UGT1A3: variants seen among roughly 807,000 people sequenced by gnomAD.
UGT1A3 encodes UDP glucuronosyltransferase family 1 member A3.
Under a neutral mutation model 41.0 loss-of-function variants are expected in UGT1A3, and 31 were observed. The ratio of observed to expected loss-of-function variants is 0.76; its 90% confidence interval spans 0.57 to 1.02. The LOEUF (loss-of-function observed/expected upper bound fraction) is 1.02. UGT1A3 is among the 50% of genes least tolerant of loss of function. The pLI, the probability that UGT1A3 is intolerant of heterozygous loss-of-function variation, is 0.00. For missense variants in UGT1A3, 737 were observed against 671.0 expected, an observed-to-expected ratio of 1.10 and a Z score of -1.09; for synonymous variants, 262 against 257.6, an observed-to-expected ratio of 1.02 and a Z score of -0.17.
chr2:233,729,943 A>G lies in UGT1A3; in HGVS notation c.817A>G (p.Met273Val), dbSNP rs2077957237. ...MDYPRPIMPN[M>V]VFIGGINCAN... ...CTACCCCAGGCCAATCATGCCCAAC[A>G]TGGTCTTCATTGGGGGCATCAACTG... Residue 273 changes from methionine to valine, a missense_variant, in exon 1 of 5, where the codon ATG becomes GTG. By Grantham distance (21) the Met-to-Val change is conservative. Coordinates refer to ENST00000482026, the MANE Select transcript of UGT1A3 (RefSeq NM_019093.4). The G allele has an allele frequency of 1.2e-6, 2 of 1,613,936 alleles. No homozygotes were observed. The highest frequency in any genetic ancestry group is 1.7e-5 in the Admixed American group (1 of 60,000).
intron 1 of UGT1A3, chr2:233,742,068 T>A (rs185159129): frequency 2.0e-5 from 3 of 151,914 alleles, no homozygotes; most frequent in African/African-American, 7.3e-5. Context: ...TGTGGCCTTA[T>A]GGAGATCCTT....
intron 1 of UGT1A3, among the ~76,000 whole-genome samples, chr2:233,765,845 C>T (rs1255338105): frequency 6.6e-6 from 1 of 152,028 alleles, no homozygotes; most frequent in East Asian, 1.9e-4. Context: ...TCCTTGTCCC[C>T]CTCACAGAGC....
At chr2:233,767,827 C>G in intron 2 of UGT1A3, 22 bp from the exon 3 acceptor site, 2 of 1,614,176 alleles carry the variant, frequency 1.2e-6, no homozygotes, top group Non-Finnish European at 1.7e-6. Flanking sequence ...TCTTTACGTT[C>G]TGCTCTTTTT....
intron 1 of UGT1A3, among the ~76,000 whole-genome samples, chr2:233,764,630 G>T (rs2126011376): frequency 6.6e-6 from 1 of 152,148 alleles, no homozygotes; most frequent in Middle Eastern, 3.4e-3. Context: ...GAAGAGCAAA[G>T]GTCCTAGGAA....
At chr2:233,748,122 C>T (rs1693872650) in intron 1 of UGT1A3, 8 of 1,610,986 alleles carry the variant, frequency 5.0e-6, no homozygotes, top group Non-Finnish European at 8.5e-7. Context: ...CCAGGCAAAA[C>T]AGTTTTTAAA....
At position 233,772,374 on chromosome 2, in the gene UGT1A3, C is replaced by T. The variant is rs773725816; in HGVS notation, c.1420C>T (p.His474Tyr). Reference protein sequence around the residue: ...EFVMRHKGAPHLRPAAHDLTW... With the variant: ...EFVMRHKGAPYLRPAAHDLTW... ...TGTGATGAGGCACAAGGGCGCGCCA[C>T]ACCTGCGCCCCGCAGCCCACGACCT... is the stretch of plus-strand genomic sequence containing the variant. The change falls in exon 5 of 5, where the codon CAC becomes TAC. Residue 474 changes from histidine (H) to tyrosine (Y), a missense_variant. Transcript: ENST00000482026. 1.2e-6 allele frequency: 2 copies of T among 1,614,266 alleles called. No individual in the cohort carries two copies. Among genetic ancestry groups the T allele is most frequent in the South Asian group, 2.2e-5 (2 of 91,082 alleles).
chr2:233,729,482 A>G lies in UGT1A3; in HGVS notation c.356A>G (p.Asn119Ser), dbSNP rs2077866923. 1 of 1,614,098 alleles carries G rather than the reference A, an allele frequency of 6.2e-7. No homozygotes were observed. The highest frequency in any genetic ancestry group is 8.5e-7 in the Non-Finnish European group (1 of 1,180,046). ...TTCAGAAGTATGGCAATGTTGAACA[A>G]TATGTCTTTGGTCTATCATAGGTCT... ...KFFRSMAMLN[N>S]MSLVYHRSCV... The change falls in exon 1 of 5, where the codon AAT becomes AGT. Residue 119 changes from asparagine (N) to serine (S), a missense_variant. Asn to Ser is a conservative substitution (Grantham distance 46). Transcript: ENST00000482026.
At chr2:233,750,259 G>C (rs1161591814) in intron 1 of UGT1A3, among the ~76,000 whole-genome samples, 2 of 151,924 alleles carry the variant, frequency 1.3e-5, no homozygotes, top group African/African-American at 2.4e-5. Flanking sequence ...GGTCACCCTT[G>C]CTATGCTTTA....
chr2:233,731,043 C>T (rs765332681), intron 1 of UGT1A3, among the ~76,000 whole-genome samples: 13 of 152,202 alleles, frequency 8.5e-5, no homozygotes, highest in East Asian at 1.9e-4. Context: ...TCATATTCAC[C>T]GAATGTGTAT....
At position 233,768,335 on chromosome 2, in the gene UGT1A3, T is replaced by C. The variant is rs754652167; in HGVS notation, c.1203T>C (p.Asn401=). 1.9e-6 allele frequency: 3 copies of C among 1,614,076 alleles called. No homozygotes were observed. The highest frequency in any genetic ancestry group is 2.5e-6 in the Non-Finnish European group (3 of 1,180,042). Residue 401 remains asparagine, a synonymous_variant, in exon 4 of 5, where the codon AAT becomes AAC. Transcript: ENST00000482026. ...CCTTGTTTGGTGATCAGATGGACAA[T>C]GCAAAGCGCATGGAGACTAAGGGAG... ...MMPLFGDQMD[N]AKRMETKGAG...
chr2:233,760,467 A>G (rs1444464587), intron 1 of UGT1A3: 1 of 1,614,232 alleles, frequency 6.2e-7, no homozygotes, highest in South Asian at 1.1e-5. Context: ...TAGTTGTCCT[A>G]GCACCTGACG....
At chr2:233,759,139 A>C (rs1697067620) in intron 1 of UGT1A3, among the ~76,000 whole-genome samples, 1 of 152,242 alleles carries the variant, frequency 6.6e-6, no homozygotes, top group Non-Finnish European at 1.5e-5. Flanking sequence ...TACGCAATGA[A>C]GGTGAGTTCC....
intron 1 of UGT1A3, chr2:233,743,625 C>A (rs201123763): frequency 3.7e-6 from 5 of 1,367,318 alleles, no homozygotes; most frequent in Admixed American, 3.8e-5. Context: ...CTGAAGACGT[C>A]GGCTGGGTCG....
intron 1 of UGT1A3, among the ~76,000 whole-genome samples, chr2:233,749,626 A>G (rs377692778): frequency 5.9e-5 from 9 of 151,982 alleles, no homozygotes; most frequent in South Asian, 4.2e-4. Context: ...TTGGCTCTGT[A>G]TCCCCCACCA....
At chr2:233,747,180 G>A in intron 1 of UGT1A3, 1 of 1,601,796 alleles carries the variant, frequency 6.2e-7, no homozygotes, top group South Asian at 1.1e-5. Flanking sequence ...CACAGCGTGG[G>A]GTGGACAGTC....
intron 1 of UGT1A3, chr2:233,747,282 G>A: frequency 6.2e-7 from 1 of 1,600,800 alleles, no homozygotes; most frequent in Non-Finnish European, 8.5e-7. Context: ...TCAGTGCCCA[G>A]CCCTGGGCTG....
In UGT1A3 at chr2:233,772,530, A is replaced by G; in HGVS notation, c.1576A>G (p.Lys526Glu). The change falls in exon 5 of 5, where the codon AAG becomes GAG. Residue 526 changes from lysine (K) to glutamate (E), a missense_variant. By Grantham distance (56) the Lys-to-Glu change is moderately conservative (BLOSUM62 1). Transcript: ENST00000482026. ...ATGCTTGGGGAAAAAAGGGCGAGTT[A>G]AGAAAGCCCACAAATCCAAGACCCA... ...RKCLGKKGRVKKAHKSKTH is the reference protein window; with the variant it reads ...RKCLGKKGRVEKAHKSKTH 6.2e-7 allele frequency: 1 copy of G among 1,614,200 alleles called. No individual in the cohort carries two copies. The highest frequency in any genetic ancestry group is 2.2e-5 in the East Asian group (1 of 44,884).
intron 1 of UGT1A3, among the ~76,000 whole-genome samples, chr2:233,736,576 T>G: frequency 6.6e-6 from 1 of 152,372 alleles, no homozygotes; most frequent in Admixed American, 6.5e-5. Flanking sequence ...TGTGATCCTT[T>G]GGAGGAGATG....
rs375883067 is a variant in UGT1A3 at position 233,767,172 on chromosome 2, A to C, written c.999+7A>C. ...GGGCAAAATCCCTCAGACAGTAAGA[A>C]GATTCTATACCATGGCCTCATATCT... On this transcript the variant is annotated splice_region_variant and intron_variant, in intron 2 of 4. Coordinates refer to ENST00000482026, the MANE Select transcript of UGT1A3 (RefSeq NM_019093.4). 4 of 1,613,980 alleles carry C rather than the reference A, an allele frequency of 2.5e-6. No individual in the cohort carries two copies. In the African/African-American group the frequency reaches 5.3e-5, roughly 22 times the overall value.
Sources: gnomAD v4.1 joint callset for allele counts (sites outside exome capture counted in the v4.1 genomes callset) on GRCh38, gnomAD v4.1.1 for gene constraint, MANE v1.5 for transcripts, NCBI Gene and HGNC (gene_info 2026-07-23, HGNC 2026-07-21) for gene names.